The following SGCE variants were observed in gnomAD, a reference collection of about 807,000 sequenced individuals.
SGCE encodes the protein epsilon-sarcoglycan.
SGCE carries 26 observed loss-of-function variants against 57.8 expected under a neutral mutation model. The ratio of observed to expected loss-of-function variants is 0.45; its 90% CI spans 0.33 to 0.62. The LOEUF is 0.62. SGCE is among the 20% of genes least tolerant of loss of function. The probability of loss-of-function intolerance (pLI) is 0.02; values close to 1 mark genes in which losing one functional copy is unlikely to be tolerated. For missense variants in SGCE, 468 were observed against 548.6 expected, an observed-to-expected ratio of 0.85 and a Z score of 1.47; for synonymous variants, 183 against 189.5, an observed-to-expected ratio of 0.97 and a Z score of 0.28.
At chr7:94,652,190 G>C (rs1337782334) in intron 1 of SGCE, among the ~76,000 whole-genome samples, 2 of 152,080 alleles carry the variant, frequency 1.3e-5, no homozygotes, top group Non-Finnish European at 1.5e-5. Context: ...TCCAGCCCAA[G>C]AATTTCTAAC....
chr7:94,587,387 C>G lies in SGCE; in HGVS notation c.1297+1302G>C. 3 of 1,092,602 alleles carry G rather than the reference C, an allele frequency of 2.7e-6. No individual in the cohort carries two copies. In the South Asian group the frequency reaches 1.3e-4, roughly 48 times the overall value. 67.7% of individuals were successfully genotyped at this position (1,092,602 alleles called of 1,614,324 possible). On this transcript the variant is annotated intron_variant, in intron 10 of 10. Transcript: ENST00000648936. ...CTGTTTTTCTAGAAATTGCCTGCTT[C>G]CTACTCACTCCATGCCTGAAATAAT...
At position 94,601,443 on chromosome 7, in the gene SGCE, CAAAAAAAA is replaced by C. The variant is rs71123905; in HGVS notation, c.826-594_826-587del. ...GTCTTACTTAATTCTATCCCAGTAT[CAAAAAAAA>C]AAAAAAAAAAAAAAAAAAAAAAAAA... On this transcript the variant is annotated intron_variant, in intron 6 of 10. Transcript: ENST00000648936. Among the ~76,000 whole-genome samples, 670 of 89,194 alleles carry C rather than the reference CAAAAAAAA, an allele frequency of 7.5e-3. 1 individual carries two copies. Among genetic ancestry groups the C allele is most frequent in the African/African-American group, 0.037 (633 of 17,192 alleles). The allele number at this position is 89,194 out of a possible 152,430, so 58.5% of individuals were successfully genotyped here.
At position 94,585,383 on chromosome 7, in the gene SGCE, C is replaced by T. The variant is rs1005534567; in HGVS notation, c.*116G>A. On this transcript the variant is annotated 3_prime_UTR_variant, in exon 11 of 11. Transcript: ENST00000648936. ...ATTATTTGGTATACACTTAATACTG[C>T]CAACATGCATAACATATGCCAGAAA... is the stretch of plus-strand genomic sequence containing the variant. 2 of 906,712 alleles carry T rather than the reference C, an allele frequency of 2.2e-6. No individual in the cohort carries two copies. Among genetic ancestry groups the T allele is most frequent in the Non-Finnish European group, 3.7e-6 (2 of 542,258 alleles). The allele number at this position is 906,712 out of a possible 1,614,324, so 56.2% of individuals were successfully genotyped here.
At chr7:94,641,821 T>G (rs1399963753) in intron 1 of SGCE, among the ~76,000 whole-genome samples, 1 of 152,050 alleles carries the variant, frequency 6.6e-6, no homozygotes, top group Non-Finnish European at 1.5e-5. Context: ...TAGTAGTGTT[T>G]TTAGAGATGG....
intron 5 of SGCE, among the ~76,000 whole-genome samples, chr7:94,615,887 T>C (rs2116858544): frequency 6.6e-6 from 1 of 152,334 alleles, no homozygotes; most frequent in East Asian, 1.9e-4. Flanking sequence ...CACAAGGCCT[T>C]AGCCTCTGGC....
chr7:94,622,860 T>C (rs1447522664), intron 4 of SGCE, among the ~76,000 whole-genome samples: 1 of 152,178 alleles, frequency 6.6e-6, no homozygotes, highest in African/African-American at 2.4e-5. Context: ...AGTTATGGTT[T>C]ATTTGTTTTC....
At chr7:94,639,519 A>T in intron 1 of SGCE, 1 of 862,712 alleles carries the variant, frequency 1.2e-6, no homozygotes, top group Non-Finnish European at 1.8e-6. Context: ...ACTGTCACAG[A>T]TCACCTACAA....
chr7:94,614,107 C>CAAAAAAAAAAAAAA (rs925650428), intron 5 of SGCE, among the ~76,000 whole-genome samples: 10 of 94,924 alleles, frequency 1.1e-4, no homozygotes, highest in Admixed American at 3.1e-4. Context: ...AAATTGAAAT[C>CAAAAAAAAAAAAAA]AAAAAAAAAA....
Position 94,587,665 on chromosome 7 carries a change from A to G in SGCE, c.1297+1024T>C, listed in dbSNP as rs963425615. ...GCACCAACACATCAATATATTGAAC[A>G]GTCTTGTTGAAACATGTTAGCATTT... On this transcript the variant is annotated intron_variant, in intron 10 of 10. Coordinates refer to ENST00000648936, the MANE Select transcript of SGCE (RefSeq NM_003919.3). 8.0e-6 allele frequency: 12 copies of G among 1,507,362 alleles called. No homozygotes were observed. The African/African-American group carries it at 1.3e-4, about 16-fold the overall frequency. 93.4% of individuals were successfully genotyped at this position (1,507,362 alleles called of 1,614,324 possible).
intron 8 of SGCE, 162 bp downstream of exon 8, chr7:94,599,535 C>T: frequency 1.4e-4 from 88 of 616,182 alleles, no homozygotes; most frequent in South Asian, 4.1e-4. Context: ...TAGTTTCTAC[C>T]CCTCCTAAAT....
chr7:94,624,922 T>C (rs1803446299), intron 3 of SGCE: 2 of 152,068 alleles, frequency 1.3e-5, no homozygotes, highest in Admixed American at 1.3e-4. Flanking sequence ...GAATATTTCA[T>C]ATCAGGAGGA....
chr7:94,608,276 C>G (rs951819330), intron 5 of SGCE, among the ~76,000 whole-genome samples: 2 of 152,168 alleles, frequency 1.3e-5, no homozygotes, highest in African/African-American at 4.8e-5. Flanking sequence ...GCAGAGGTTG[C>G]AGTGAGCCGA....
intron 9 of SGCE, among the ~76,000 whole-genome samples, chr7:94,592,976 T>C (rs1391766546): frequency 6.6e-6 from 1 of 152,134 alleles, no homozygotes; most frequent in Non-Finnish European, 1.5e-5. Context: ...TGAAATATTC[T>C]TGGCTGCCTG....
intron 1 of SGCE, among the ~76,000 whole-genome samples, chr7:94,636,618 G>A (rs1805621402): frequency 6.6e-6 from 1 of 152,194 alleles, no homozygotes; most frequent in Non-Finnish European, 1.5e-5. Flanking sequence ...GGGAAAAAAA[G>A]AAGAGATTCC....
Position 94,633,451 on chromosome 7 carries a change from T to A in SGCE, c.110-3610A>T, listed in dbSNP as rs546204080. Reference sequence around the variant, plus strand: ...AGTAGCTGGGATCATTATCTCGCTCTCCCTAAACATAGATCCAATTTATCT... The same window carrying A: ...AGTAGCTGGGATCATTATCTCGCTCACCCTAAACATAGATCCAATTTATCT... On this transcript the variant is annotated intron_variant, in intron 1 of 10. Coordinates refer to ENST00000648936, the MANE Select transcript of SGCE (RefSeq NM_003919.3). 5.9e-5 allele frequency among the ~76,000 whole-genome samples: 9 copies of A among 152,246 alleles called. No homozygotes were observed. In the South Asian group the frequency reaches 1.9e-3, roughly 32 times the overall value.
intron 10 of SGCE, 110 bp downstream of exon 10, chr7:94,588,578 GT>G (rs1230714637): frequency 9.1e-6 from 14 of 1,544,394 alleles, no homozygotes; most frequent in African/African-American, 1.4e-5. Flanking sequence ...TGACACAAGT[GT>G]TTTGCCTTAT....
rs1392249188 is a variant in SGCE at position 94,598,980 on chromosome 7, T to G, written c.1065-17A>C. The G allele has an allele frequency of 7.5e-6, 12 of 1,593,982 alleles. No individual in the cohort carries two copies. The highest frequency in any genetic ancestry group is 1.0e-5 in the Non-Finnish European group (12 of 1,162,768). On this transcript the variant is annotated splice_polypyrimidine_tract_variant and intron_variant, in intron 8 of 10. Coordinates refer to ENST00000648936, the MANE Select transcript of SGCE (RefSeq NM_003919.3). ...AGTTGGATGCTAGGTCAAAAAGAAA[T>G]AAAACAACATATATTTAAAATCATA...
chr7:94,588,865 C>T, intron 9 of SGCE, 133 bp from the exon 10 acceptor site: 1 of 923,494 alleles, frequency 1.1e-6, no homozygotes, highest in Non-Finnish European at 1.7e-6. Context: ...ATTCCCCTCC[C>T]CTTTCATGAG....
chr7:94,623,748 C>T, intron 3 of SGCE: 1 of 390,904 alleles, frequency 2.6e-6, no homozygotes, highest in Admixed American at 4.4e-5. Context: ...AAAAAAAAAA[C>T]AATAATTTTT....
Sources: allele counts gnomAD v4.1 joint callset (sites outside exome capture counted in the v4.1 genomes callset), GRCh38; gene constraint gnomAD v4.1.1; transcripts MANE v1.5; gene names NCBI Gene and HGNC (gene_info 2026-07-23, HGNC 2026-07-21).